The following KLHL29 variants were observed in gnomAD, a reference collection of about 807,000 sequenced individuals.
The protein encoded by KLHL29 is kelch-like protein 29.
In KLHL29, 21 loss-of-function variants were observed where a neutral mutation model predicts 80.4. The observed-to-expected ratio is 0.26, with a 90% CI of 0.19 to 0.38. The LOEUF is 0.38. KLHL29 is among the 10% of genes least tolerant of loss of function. The pLI is 1.00. For missense variants in KLHL29, 867 were observed against 1,223.9 expected, an observed-to-expected ratio of 0.71 and a Z score of 4.35; for synonymous variants, 511 against 526.8, an observed-to-expected ratio of 0.97 and a Z score of 0.41.
At chr2:23,602,957 C>T (rs1287945174) in intron 3 of KLHL29, among the ~76,000 whole-genome samples, 1 of 152,136 alleles carries the variant, frequency 6.6e-6, no homozygotes, top group East Asian at 1.9e-4. Flanking sequence ...CTTCATAGAC[C>T]CCTCTGATTT....
chr2:23,450,022 G>A (rs1370944759), intron 1 of KLHL29, among the ~76,000 whole-genome samples: 2 of 152,200 alleles, frequency 1.3e-5, no homozygotes, highest in Non-Finnish European at 2.9e-5. Context: ...GCTTAACAGA[G>A]CTGCTTCTCA....
Position 23,691,821 on chromosome 2 carries a change from G to A in KLHL29, c.1227G>A (p.Glu409=), listed in dbSNP as rs1455015914. 1.9e-6 allele frequency: 3 copies of A among 1,551,492 alleles called. No homozygotes were observed. Among genetic ancestry groups the A allele is most frequent in the Non-Finnish European group, 2.6e-6 (3 of 1,147,018 alleles). ...CGGCCAACGCCAAGACACTGCTGGA[G>A]GCGGCCAGCAAGTTCCAGTTCCACA... is the stretch of plus-strand genomic sequence containing the variant. The part of the protein sequence containing the change: ...IDSANAKTLL[E]AASKFQFHTF... The change falls in exon 7 of 14, where the codon GAG becomes GAA. Residue 409 remains glutamate, a synonymous_variant. Transcript: ENST00000486442.
intron 6 of KLHL29, among the ~76,000 whole-genome samples, chr2:23,688,389 CCA>C (rs1671375565): frequency 6.6e-6 from 1 of 152,178 alleles, no homozygotes; most frequent in Admixed American, 6.5e-5. Flanking sequence ...CAGACAGTGC[CCA>C]GTTCCAACTT....
At chr2:23,468,880 C>T (rs567128636) in intron 1 of KLHL29, among the ~76,000 whole-genome samples, 11 of 152,342 alleles carry the variant, frequency 7.2e-5, no homozygotes, top group East Asian at 1.9e-4. Flanking sequence ...GCTCTGCTTA[C>T]GGCGTCCAGA....
intron 5 of KLHL29, among the ~76,000 whole-genome samples, chr2:23,659,072 C>T (rs1048575991): frequency 2.6e-5 from 4 of 152,208 alleles, no homozygotes; most frequent in South Asian, 2.1e-4. Flanking sequence ...AGAACACCCC[C>T]GCTGCTGACC....
intron 3 of KLHL29, among the ~76,000 whole-genome samples, chr2:23,610,865 T>G (rs1668842222): frequency 6.6e-6 from 1 of 152,248 alleles, no homozygotes; most frequent in Admixed American, 6.5e-5. Flanking sequence ...GATAATAGAT[T>G]CATGTATTTA....
intron 3 of KLHL29, among the ~76,000 whole-genome samples, chr2:23,612,925 T>G (rs1572438179): frequency 6.6e-6 from 1 of 152,114 alleles, no homozygotes; most frequent in Admixed American, 6.5e-5. Flanking sequence ...AAAAAATCTC[T>G]TATGAAACAA....
chr2:23,492,666 A>G (rs1046786884), intron 2 of KLHL29, among the ~76,000 whole-genome samples: 2 of 152,206 alleles, frequency 1.3e-5, no homozygotes, highest in African/African-American at 4.8e-5. Context: ...GCTTATATGA[A>G]TATAAGAAAA....
In KLHL29 at chr2:23,695,701, G is replaced by C. The variant is rs1182508006; in HGVS notation, c.1621G>C (p.Glu541Gln). ...CCTGCTCAATGTGGTTGACAATGAA[G>C]AGCTGATCAAGTCATCAGAAGCCTG... is the stretch of plus-strand genomic sequence containing the variant. The part of the protein sequence containing the change: ...SYLLNVVDNE[E>Q]LIKSSEACRD... Residue 541 changes from glutamate (E) to glutamine (Q), a missense_variant, in exon 9 of 14, where the codon GAG becomes CAG. Coordinates refer to ENST00000486442, the MANE Select transcript of KLHL29 (RefSeq NM_052920.2). The surrounding 1 kb of genome is among the most constrained non-coding windows in gnomAD (Gnocchi z 7.6). 6.4e-7 allele frequency: 1 copy of C among 1,551,646 alleles called. No homozygotes were observed. Among genetic ancestry groups the C allele is most frequent in the African/African-American group, 1.4e-5 (1 of 73,178 alleles).
chr2:23,487,340 G>GC lies in KLHL29; in HGVS notation c.-46+11673_-46+11674insC, dbSNP rs1664962078. On this transcript the variant is annotated intron_variant, in intron 2 of 13. Transcript: ENST00000486442. Reference sequence around the variant, plus strand: ...CCAAACCAAGGACGCTGGAGAGAGGGGCAGGAGGGGACGTCTTCTGCACAT... The same window carrying GC: ...CCAAACCAAGGACGCTGGAGAGAGGGCGCAGGAGGGGACGTCTTCTGCACAT... Among the ~76,000 whole-genome samples the GC allele has an allele frequency of 5.9e-5, 9 of 152,232 alleles. 1 individual carries two copies. In the South Asian group the frequency reaches 1.9e-3, roughly 32 times the overall value.
chr2:23,460,422 G>C (rs572460447), intron 1 of KLHL29, among the ~76,000 whole-genome samples: 3 of 152,120 alleles, frequency 2.0e-5, no homozygotes, highest in East Asian at 1.9e-4. Flanking sequence ...CATGATGTAG[G>C]GGGGAAGGGA....
chr2:23,566,238 G>A (rs73919762), intron 3 of KLHL29, among the ~76,000 whole-genome samples: 4,254 of 152,272 alleles, frequency 0.028, 219 homozygotes, highest in African/African-American at 0.096. Context: ...CCCCAGCCCC[G>A]CAACACACAC....
In KLHL29 at chr2:23,503,771, A is replaced by G. The variant is rs1373973344; in HGVS notation, c.-46+28104A>G. Among the ~76,000 whole-genome samples, 2 of 152,246 alleles carry G rather than the reference A, an allele frequency of 1.3e-5. No individual in the cohort carries two copies. Among genetic ancestry groups the G allele is most frequent in the Admixed American group, 6.5e-5 (1 of 15,288 alleles). ...GCTGCCAGCGAAGGAGGAAGGAAAC[A>G]CAGACAGGAGGTCTCAGAGCACAGC... On this transcript the variant is annotated intron_variant, in intron 2 of 13. Coordinates refer to ENST00000486442, the MANE Select transcript of KLHL29 (RefSeq NM_052920.2). The surrounding 1 kb of genome is among the most constrained non-coding windows in gnomAD (Gnocchi z 4.0).
intron 3 of KLHL29, among the ~76,000 whole-genome samples, chr2:23,581,888 G>A (rs2103510008): frequency 6.8e-6 from 1 of 146,964 alleles, no homozygotes; most frequent in Admixed American, 6.9e-5. Context: ...GTTTTTAAGT[G>A]CTGGTGTTCA....
At chr2:23,542,016 G>C (rs1572389590) in intron 2 of KLHL29, among the ~76,000 whole-genome samples, 1 of 152,196 alleles carries the variant, frequency 6.6e-6, no homozygotes, top group African/African-American at 2.4e-5. Context: ...GTTGGGCTGT[G>C]TGCTGCCTGT....
chr2:23,675,494 G>T (rs1416345332), intron 5 of KLHL29, among the ~76,000 whole-genome samples: 2 of 152,218 alleles, frequency 1.3e-5, no homozygotes, highest in Non-Finnish European at 2.9e-5. Flanking sequence ...CCATGAAAAT[G>T]ATCTGTTCTT....
intron 1 of KLHL29, among the ~76,000 whole-genome samples, chr2:23,468,204 G>A (rs1014202260): frequency 6.6e-6 from 1 of 152,050 alleles, no homozygotes; most frequent in African/African-American, 2.4e-5. Context: ...CGTGGTCATT[G>A]CCATCAAACG....
chr2:23,499,979 GT>G (rs752754769), intron 2 of KLHL29, among the ~76,000 whole-genome samples: 10 of 152,342 alleles, frequency 6.6e-5, no homozygotes, highest in Admixed American at 2.6e-4. Flanking sequence ...TGGTTTTAGC[GT>G]TGTGAGGATA....
At chr2:23,627,868 A>T (rs1176315177) in intron 3 of KLHL29, among the ~76,000 whole-genome samples, 2 of 149,852 alleles carry the variant, frequency 1.3e-5, no homozygotes, top group African/African-American at 4.9e-5. Context: ...AAAAAAAACC[A>T]GGAATGCTCT....
Sources: gnomAD v4.1 joint callset for allele counts (sites outside exome capture counted in the v4.1 genomes callset) on GRCh38, gnomAD v4.1.1 for gene constraint, Gnocchi (gnomAD v3.1) non-coding constraint, MANE v1.5 for transcripts, NCBI Gene and HGNC (gene_info 2026-07-23, HGNC 2026-07-21) for gene names.